Variants in MAGI2 observed in about 807,000 individuals in gnomAD.
MAGI2 encodes membrane associated guanylate kinase, WW and PDZ domain containing 2.
In MAGI2, 35 loss-of-function variants were observed where a neutral mutation model predicts 133.3. That is an observed-to-expected ratio of 0.26 (90% CI 0.20 to 0.35). MAGI2 has a LOEUF of 0.35. Ranked by LOEUF, MAGI2 falls within the 10% of genes least tolerant of loss-of-function variation. The pLI is 1.00. For synonymous variants in MAGI2, 729 were observed against 710.6 expected (o/e 1.03, Z -0.41); for missense variants, 1,636 against 1,863.4 (o/e 0.88, Z 2.25).
intron 1 of MAGI2, among the ~76,000 whole-genome samples, chr7:79,367,645 A>G: frequency 6.6e-6 from 1 of 151,900 alleles, no homozygotes; most frequent in East Asian, 1.9e-4. Flanking sequence ...GATAATCTGT[A>G]TGTTTTTAGC....
chr7:79,301,581 G>A (rs1166472414), intron 1 of MAGI2, among the ~76,000 whole-genome samples: 1 of 152,186 alleles, frequency 6.6e-6, no homozygotes, highest in Admixed American at 6.5e-5. Flanking sequence ...AGGCTCATAG[G>A]TAGAAAGACT....
intron 4 of MAGI2, among the ~76,000 whole-genome samples, chr7:78,511,057 T>G (rs1383444732): frequency 6.6e-6 from 1 of 152,140 alleles, no homozygotes; most frequent in Non-Finnish European, 1.5e-5. Context: ...AAAAGTGTGT[T>G]TGTTATATTG....
intron 10 of MAGI2, among the ~76,000 whole-genome samples, chr7:78,226,111 T>TGA (rs1789350101): frequency 6.6e-6 from 1 of 151,990 alleles, no homozygotes; most frequent in African/African-American, 2.4e-5. Context: ...AAATTACTCA[T>TGA]GTCAATTTGC....
intron 4 of MAGI2, among the ~76,000 whole-genome samples, chr7:78,507,486 G>T (rs1584437183): frequency 1.3e-5 from 2 of 152,134 alleles, no homozygotes; most frequent in Non-Finnish European, 2.9e-5. Context: ...ATAAATCCCT[G>T]CACCTCTTCT....
chr7:78,441,589 T>C (rs952948616), intron 6 of MAGI2, among the ~76,000 whole-genome samples: 2 of 151,918 alleles, frequency 1.3e-5, no homozygotes, highest in Non-Finnish European at 2.9e-5. Flanking sequence ...TTCCTGCTAA[T>C]GTGGTCCCTC....
intron 1 of MAGI2, among the ~76,000 whole-genome samples, chr7:79,074,661 G>A (rs958014182): frequency 1.3e-5 from 2 of 152,160 alleles, no homozygotes; most frequent in African/African-American, 4.8e-5. Flanking sequence ...ATGAAAAGTT[G>A]AATTAAGTAT....
chr7:78,144,012 A>G (rs1484581470), intron 16 of MAGI2, among the ~76,000 whole-genome samples: 1 of 151,642 alleles, frequency 6.6e-6, no homozygotes, highest in African/African-American at 2.4e-5. Flanking sequence ...CTCACTACCA[A>G]TTGCTCTCAA....
intron 6 of MAGI2, among the ~76,000 whole-genome samples, chr7:78,468,476 T>C (rs1239985926): frequency 6.6e-6 from 1 of 152,134 alleles, no homozygotes; most frequent in Non-Finnish European, 1.5e-5. Context: ...TATATGTATA[T>C]AAAGTCTTAT....
At chr7:78,841,433 T>A (rs1189235937) in intron 2 of MAGI2, among the ~76,000 whole-genome samples, 3 of 152,056 alleles carry the variant, frequency 2.0e-5, no homozygotes, top group Admixed American at 1.3e-4. Flanking sequence ...CTGGCATTTC[T>A]TTACATCTTG....
chr7:79,093,873 C>G (rs920107492), intron 1 of MAGI2, among the ~76,000 whole-genome samples: 1 of 151,918 alleles, frequency 6.6e-6, no homozygotes, highest in African/African-American at 2.4e-5. Flanking sequence ...TGCCAACACA[C>G]CCAGCTAATT....
intron 1 of MAGI2, among the ~76,000 whole-genome samples, chr7:79,326,777 A>T (rs966132718): frequency 3.3e-5 from 5 of 152,022 alleles, no homozygotes; most frequent in Non-Finnish European, 7.4e-5. Flanking sequence ...AATGAAATGG[A>T]GCAACTGAGA....
intron 2 of MAGI2, among the ~76,000 whole-genome samples, chr7:78,687,020 C>T (rs952509959): frequency 7.2e-5 from 11 of 152,310 alleles, no homozygotes; most frequent in African/African-American, 2.6e-4. Context: ...AACGTTGTTA[C>T]TCAGTCCAGC....
At chr7:78,524,581 T>C (rs1166969308) in intron 3 of MAGI2, among the ~76,000 whole-genome samples, 1 of 152,194 alleles carries the variant, frequency 6.6e-6, no homozygotes, top group Non-Finnish European at 1.5e-5. Flanking sequence ...CTTTTTTCTT[T>C]TACAGTCGGC....
intron 2 of MAGI2, among the ~76,000 whole-genome samples, chr7:78,933,827 T>G (rs897346437): frequency 1.3e-5 from 2 of 152,094 alleles, no homozygotes; most frequent in African/African-American, 4.8e-5. Flanking sequence ...AAAAATATTG[T>G]TAATGAGGCA....
At chr7:78,263,140 T>G (rs1793674850) in intron 9 of MAGI2, among the ~76,000 whole-genome samples, 1 of 152,178 alleles carries the variant, frequency 6.6e-6, no homozygotes, top group Non-Finnish European at 1.5e-5. Flanking sequence ...GCATTCATGT[T>G]GCTGTAAAGA....
chr7:78,850,005 G>A (rs1792991094), intron 2 of MAGI2, among the ~76,000 whole-genome samples: 1 of 151,928 alleles, frequency 6.6e-6, no homozygotes, highest in South Asian at 2.1e-4. Context: ...ACCTGGAGTA[G>A]GTAATAAATA....
At chr7:78,338,253 C>T (rs754603606) in intron 9 of MAGI2, among the ~76,000 whole-genome samples, 1 of 152,134 alleles carries the variant, frequency 6.6e-6, no homozygotes, top group Non-Finnish European at 1.5e-5. Flanking sequence ...TACACGGTGG[C>T]GGCGTACCGC....
intron 2 of MAGI2, among the ~76,000 whole-genome samples, chr7:78,660,612 A>G (rs911915141): frequency 3.3e-5 from 5 of 152,220 alleles, no homozygotes; most frequent in African/African-American, 1.2e-4. Flanking sequence ...ATAACATGCT[A>G]TAAATGATAT....
intron 1 of MAGI2, among the ~76,000 whole-genome samples, chr7:79,308,625 G>A (rs13243285): frequency 0.56 from 85,028 of 151,984 alleles, 26,448 homozygotes; most frequent in Non-Finnish European, 0.69. Flanking sequence ...ACCTCTAATT[G>A]CTTAAAGTAA....
Sources: allele counts gnomAD v4.1 joint callset (sites outside exome capture counted in the v4.1 genomes callset), GRCh38; gene constraint gnomAD v4.1.1; transcripts MANE v1.5; gene names NCBI Gene and HGNC (gene_info 2026-07-23, HGNC 2026-07-21).